Variants in PDE4D observed in about 807,000 individuals in gnomAD.
The protein encoded by PDE4D is phosphodiesterase 4D, also known as 3',5'-cyclic-AMP phosphodiesterase 4D.
In PDE4D, 24 loss-of-function variants were observed where a neutral mutation model predicts 87.4. That is an observed-to-expected ratio of 0.27 (90% CI 0.20 to 0.39). The LOEUF is 0.39. Among genes scored for constraint, PDE4D ranks in the 10% least tolerant of loss-of-function variants. The probability of loss-of-function intolerance (pLI) is 1.00; values close to 1 mark genes in which losing one functional copy is unlikely to be tolerated. For synonymous variants in PDE4D, 384 were observed against 383.2 expected (o/e 1.00, Z -0.02); for missense variants, 714 against 1,041.0 (o/e 0.69, Z 4.32).
intron 1 of PDE4D, among the ~76,000 whole-genome samples, chr5:59,520,731 A>G (rs1248901101): frequency 1.3e-5 from 2 of 152,240 alleles, no homozygotes; most frequent in South Asian, 4.1e-4. Flanking sequence ...GCTAGGATTT[A>G]CTACATAACT....
At chr5:59,022,675 CAT>C (rs1283901196) in intron 6 of PDE4D, among the ~76,000 whole-genome samples, 1 of 152,152 alleles carries the variant, frequency 6.6e-6, no homozygotes, top group Non-Finnish European at 1.5e-5. Context: ...CTTCTGTGCA[CAT>C]GTTAGAGGGC....
At chr5:59,668,257 T>C (rs1043880662) in intron 1 of PDE4D, among the ~76,000 whole-genome samples, 1 of 152,222 alleles carries the variant, frequency 6.6e-6, no homozygotes, top group African/African-American at 2.4e-5. Context: ...ATGAGATGAA[T>C]ATGTAAAAGC....
chr5:58,990,882 T>G lies in PDE4D; in HGVS notation c.1209A>C (p.Lys403Asn). Residue 403 changes from lysine (K) to asparagine (N), a missense_variant, in exon 9 of 15, where the codon AAA (lysine) becomes AAC (asparagine). By Grantham distance (94) the Lys-to-Asn change is moderately conservative. Around this residue, in one of 7 missense-constraint regions of PDE4D, gnomAD observed 141 missense variants for 204.3 expected, o/e 0.69. Transcript: ENST00000340635. ...VLAKELEDVN[K>N]WGLHVFRIAE... The stretch of plus-strand genomic sequence containing the variant: ...CTATTCTGAAAACATGAAGACCCCA[T>G]TTGTTCACATCTTCTAGTTCCTGGA... 2 of 1,597,202 alleles carry G rather than the reference T, an allele frequency of 1.3e-6. No individual in the cohort carries two copies. The highest frequency in any genetic ancestry group is 1.7e-6 in the Non-Finnish European group (2 of 1,169,570).
chr5:59,598,524 T>C (rs532296340), intron 1 of PDE4D, among the ~76,000 whole-genome samples: 3 of 152,324 alleles, frequency 2.0e-5, no homozygotes, highest in African/African-American at 7.2e-5. Context: ...TTTCTCCTCG[T>C]CTTCCATAAC....
chr5:60,047,672 G>A (rs1416120536), intron 2 of PDE4D, among the ~76,000 whole-genome samples: 1 of 152,146 alleles, frequency 6.6e-6, no homozygotes, highest in African/African-American at 2.4e-5. Context: ...ATGTAGTTGA[G>A]CGGTTTTGAA....
chr5:59,988,321 C>T, intron 3 of PDE4D: 1 of 511,410 alleles, frequency 2.0e-6, no homozygotes, highest in Non-Finnish European at 3.5e-6. Flanking sequence ...TCTTCTCCTG[C>T]AGATATAGAA....
chr5:59,749,233 C>G (rs1760074632), intron 1 of PDE4D, among the ~76,000 whole-genome samples: 2 of 152,246 alleles, frequency 1.3e-5, no homozygotes, highest in South Asian at 4.1e-4. Context: ...TGAGCAGCAT[C>G]TGCCACAGTT....
intron 6 of PDE4D, among the ~76,000 whole-genome samples, chr5:59,012,662 A>G (rs1417282202): frequency 6.6e-6 from 1 of 152,232 alleles, no homozygotes; most frequent in Non-Finnish European, 1.5e-5. Context: ...GCAAGTCCTT[A>G]GAGACCTACT....
intron 2 of PDE4D, chr5:60,022,591 C>T (rs1217831949): frequency 6.6e-6 from 1 of 152,198 alleles, no homozygotes; most frequent in Non-Finnish European, 1.5e-5. Context: ...CTCTCTCTGT[C>T]TAAGATGTCA....
At chr5:60,475,075 T>A (rs1183841856) in intron 1 of PDE4D, among the ~76,000 whole-genome samples, 2 of 152,160 alleles carry the variant, frequency 1.3e-5, no homozygotes, top group Admixed American at 6.5e-5. Context: ...AAGTTCTAGA[T>A]AGAAAACAAA....
intron 1 of PDE4D, among the ~76,000 whole-genome samples, chr5:59,689,804 T>C (rs930038072): frequency 1.3e-5 from 2 of 152,156 alleles, no homozygotes; most frequent in African/African-American, 2.4e-5. Context: ...GATGACATGA[T>C]TGTATATTTA....
At chr5:59,016,694 C>T (rs940579308) in intron 6 of PDE4D, among the ~76,000 whole-genome samples, 16 of 152,118 alleles carry the variant, frequency 1.1e-4, no homozygotes, top group East Asian at 5.8e-4. Flanking sequence ...CAAATACAAA[C>T]GAAAATACCA....
chr5:59,184,637 A>AT (rs1351011588), intron 4 of PDE4D, among the ~76,000 whole-genome samples: 4 of 152,138 alleles, frequency 2.6e-5, no homozygotes, highest in African/African-American at 9.6e-5. Flanking sequence ...ATCTTTTTAG[A>AT]TTTTTTTGCC....
intron 1 of PDE4D, among the ~76,000 whole-genome samples, chr5:59,572,192 A>C (rs1414195465): frequency 6.6e-6 from 1 of 152,312 alleles, no homozygotes; most frequent in East Asian, 1.9e-4. Context: ...TAAGAATTAC[A>C]AAAGGTTGTA....
intron 1 of PDE4D, among the ~76,000 whole-genome samples, chr5:59,228,920 G>T (rs1000237379): frequency 1.3e-5 from 2 of 151,834 alleles, no homozygotes; most frequent in African/African-American, 4.8e-5. Flanking sequence ...TCTTTCTAGA[G>T]ATATCAGCTC....
intron 1 of PDE4D, among the ~76,000 whole-genome samples, chr5:60,378,224 C>T (rs1761576316): frequency 6.6e-6 from 1 of 152,088 alleles, no homozygotes; most frequent in South Asian, 2.1e-4. Context: ...ACATGAATGC[C>T]CTTGTGTCTT....
chr5:60,118,860 A>G (rs962557845), intron 2 of PDE4D, among the ~76,000 whole-genome samples: 1 of 152,090 alleles, frequency 6.6e-6, no homozygotes, highest in Non-Finnish European at 1.5e-5. Flanking sequence ...GAGTCCTGGT[A>G]TGAAGCCCTC....
intron 1 of PDE4D, among the ~76,000 whole-genome samples, chr5:60,414,015 C>A (rs1033672704): frequency 1.6e-4 from 25 of 152,106 alleles, no homozygotes; most frequent in African/African-American, 6.0e-4. Flanking sequence ...TTTGTTCCAC[C>A]AAGTTTCTCG....
chr5:60,103,570 C>T (rs910346432), intron 2 of PDE4D, among the ~76,000 whole-genome samples: 1 of 152,228 alleles, frequency 6.6e-6, no homozygotes, highest in Non-Finnish European at 1.5e-5. Context: ...ACTATGAATA[C>T]ATGTAGTGAC....
Sources: gnomAD v4.1 joint callset for allele counts (sites outside exome capture counted in the v4.1 genomes callset) on GRCh38, gnomAD v4.1.1 for gene constraint, gnomAD v4.1.1 regional missense constraint, MANE v1.5 for transcripts, NCBI Gene and HGNC (gene_info 2026-07-23, HGNC 2026-07-21) for gene names.